Variants in HAO2 observed in about 807,000 individuals in gnomAD.
HAO2 encodes hydroxyacid oxidase 2, also known as 2-Hydroxyacid oxidase 2.
Under a neutral mutation model 37.4 loss-of-function variants are expected in HAO2, and 42 were observed. The observed-to-expected ratio is 1.12, with a 90% CI of 0.88 to 1.45. The LOEUF (loss-of-function observed/expected upper bound fraction) is 1.45, where lower values mean the gene tolerates loss of function less well. HAO2 is among the 40% of genes most tolerant of loss of function. HAO2 has a pLI of 0.00. For synonymous variants in HAO2, 180 were observed against 162.8 expected, an observed-to-expected ratio of 1.11 and a Z score of -0.81; for missense variants, 476 against 430.2, an observed-to-expected ratio of 1.11 and a Z score of -0.94.
chr1:119,374,445 C>A (rs1025073639), intron 1 of HAO2, among the ~76,000 whole-genome samples: 1 of 152,192 alleles, frequency 6.6e-6, no homozygotes, highest in African/African-American at 2.4e-5. Flanking sequence ...TTTCAGCCAA[C>A]TTTGAACAGT....
intron 1 of HAO2, among the ~76,000 whole-genome samples, chr1:119,373,697 T>A (rs894619370): frequency 1.3e-5 from 2 of 152,126 alleles, no homozygotes; most frequent in Non-Finnish European, 2.9e-5. Flanking sequence ...AGCAAAGATA[T>A]GAGTCACTCC....
At chr1:119,386,489 A>C (rs1356743271) in intron 4 of HAO2, 133 bp from the exon 5 acceptor site, 2 of 641,826 alleles carry the variant, frequency 3.1e-6, no homozygotes, top group Non-Finnish European at 5.5e-6. Flanking sequence ...TACAGGCATG[A>C]GCCACCATGC....
At chr1:119,371,384 G>A (rs768887820) in intron 1 of HAO2, among the ~76,000 whole-genome samples, 13 of 152,312 alleles carry the variant, frequency 8.5e-5, no homozygotes, top group African/African-American at 3.1e-4. Context: ...AGACTGTTAA[G>A]ACAGATTTAA....
chr1:119,376,802 TG>T (rs1649504743), intron 1 of HAO2, among the ~76,000 whole-genome samples: 1 of 152,230 alleles, frequency 6.6e-6, no homozygotes. Context: ...AGCTGTACTT[TG>T]GCCCCTTTTA....
At chr1:119,375,209 A>G (rs1649350471) in intron 1 of HAO2, among the ~76,000 whole-genome samples, 1 of 152,206 alleles carries the variant, frequency 6.6e-6, no homozygotes, top group African/African-American at 2.4e-5. Context: ...TGGGAATACA[A>G]GAAAACCATT....
chr1:119,391,867 T>C (rs770735152), intron 5 of HAO2, among the ~76,000 whole-genome samples: 2 of 152,328 alleles, frequency 1.3e-5, no homozygotes, highest in South Asian at 4.1e-4. Flanking sequence ...TTCTTCCAAC[T>C]TGTAAGACAG....
chr1:119,390,542 C>T (rs1026935914), intron 5 of HAO2, among the ~76,000 whole-genome samples: 9 of 152,190 alleles, frequency 5.9e-5, no homozygotes, highest in African/African-American at 1.9e-4. Context: ...AGCCACTGTG[C>T]CCAGCTGGAA....
At chr1:119,388,636 A>G (rs1650578420) in intron 5 of HAO2, among the ~76,000 whole-genome samples, 1 of 152,182 alleles carries the variant, frequency 6.6e-6, no homozygotes, top group African/African-American at 2.4e-5. Flanking sequence ...CTGTGCTTGT[A>G]TAACCCTGCC....
At chr1:119,370,745 T>C (rs1302541611) in intron 1 of HAO2, among the ~76,000 whole-genome samples, 2 of 152,038 alleles carry the variant, frequency 1.3e-5, no homozygotes, top group African/African-American at 4.8e-5. Flanking sequence ...GCAATGGCCT[T>C]CAGAAACACA....
At chr1:119,372,256 T>C (rs587738051) in intron 1 of HAO2, among the ~76,000 whole-genome samples, 33 of 152,366 alleles carry the variant, frequency 2.2e-4, no homozygotes, top group African/African-American at 7.9e-4. Context: ...ATTTCTTGTA[T>C]ATGCAACTGA....
intron 1 of HAO2, among the ~76,000 whole-genome samples, chr1:119,378,353 C>T (rs141883592): frequency 1.3e-5 from 2 of 152,256 alleles, no homozygotes; most frequent in East Asian, 3.9e-4. Flanking sequence ...CAGGCCCCTC[C>T]CATGACATGT....
intron 1 of HAO2, among the ~76,000 whole-genome samples, chr1:119,379,061 C>G (rs1269408517): frequency 6.6e-6 from 1 of 152,100 alleles, no homozygotes; most frequent in Non-Finnish European, 1.5e-5. Context: ...GCTCTGGCAG[C>G]AAAATCTGGA....
At chr1:119,389,561 T>C (rs983997989) in intron 5 of HAO2, among the ~76,000 whole-genome samples, 2 of 152,168 alleles carry the variant, frequency 1.3e-5, no homozygotes, top group Non-Finnish European at 2.9e-5. Flanking sequence ...CTTTTTCATA[T>C]GTTTGTTGGC....
chr1:119,393,582 G>T (rs1473833289), intron 7 of HAO2, among the ~76,000 whole-genome samples: 2 of 152,112 alleles, frequency 1.3e-5, no homozygotes, highest in African/African-American at 4.8e-5. Flanking sequence ...ACATGGCCAT[G>T]TTCAGAGATG....
rs113652785 is a variant in HAO2, at chr1:119,385,938, C to G, written c.562-684C>G. ...TGATTTAGTATTGCTTAGTTCTTAT[C>G]CTGGGTATGCCTCAACCGTAACATA... On this transcript the variant is annotated intron_variant, in intron 4 of 7. Transcript: ENST00000325945. 4 of 957,056 alleles carry G rather than the reference C, an allele frequency of 4.2e-6. No individual in the cohort carries two copies. The South Asian group carries it at 1.9e-4, about 46-fold the overall frequency. The allele number at this position is 957,056 out of a possible 1,614,324, so 59.3% of individuals were successfully genotyped here.
chr1:119,393,947 C>T lies in HAO2; in HGVS notation c.*107C>T, dbSNP rs587707427. ...TCCTGGACCCCATTCTGTCCGGAGGCTCATGGCCCATATTTCCCACATTTC... is the reference window on the plus strand; with the variant it reads ...TCCTGGACCCCATTCTGTCCGGAGGTTCATGGCCCATATTTCCCACATTTC... On this transcript the variant is annotated 3_prime_UTR_variant, in exon 8 of 8. Transcript: ENST00000325945. The T allele has an allele frequency of 4.6e-5, 72 of 1,577,904 alleles. No homozygotes were observed. In the African/African-American group the frequency reaches 9.4e-4, roughly 21 times the overall value.
intron 1 of HAO2, chr1:119,380,660 A>C: frequency 1.3e-6 from 2 of 1,548,658 alleles, no homozygotes; most frequent in Non-Finnish European, 1.8e-6. Context: ...AGGCATGATC[A>C]GCCTTGAACT....
intron 2 of HAO2, among the ~76,000 whole-genome samples, chr1:119,381,895 A>T (rs746883098): frequency 9.8e-5 from 15 of 152,352 alleles, no homozygotes; most frequent in South Asian, 6.2e-4. Context: ...TAACACAACC[A>T]TGCTCAGCCA....
chr1:119,388,666 C>A (rs953536466), intron 5 of HAO2, among the ~76,000 whole-genome samples: 4 of 152,192 alleles, frequency 2.6e-5, no homozygotes, highest in African/African-American at 7.2e-5. Flanking sequence ...TCACCTTAAT[C>A]CTAGCCCCAG....
Sources: gnomAD v4.1 joint callset for allele counts (sites outside exome capture counted in the v4.1 genomes callset) on GRCh38, gnomAD v4.1.1 for gene constraint, MANE v1.5 for transcripts, NCBI Gene and HGNC (gene_info 2026-07-23, HGNC 2026-07-21) for gene names.